LIN52: variants seen among roughly 807,000 people sequenced by gnomAD.
The protein encoded by LIN52 is protein lin-52 homolog.
In LIN52, 4 loss-of-function variants were observed where a neutral mutation model predicts 18.5. The ratio of observed to expected loss-of-function variants is 0.22; its 90% CI spans 0.11 to 0.49. The LOEUF is 0.49. Ranked by LOEUF, LIN52 falls within the 20% of genes least tolerant of loss-of-function variation. The pLI is 0.97. For missense variants in LIN52, 102 were observed against 139.5 expected, an observed-to-expected ratio of 0.73 and a Z score of 1.35; for synonymous variants, 34 against 45.5, an observed-to-expected ratio of 0.75 and a Z score of 1.02.
intron 5 of LIN52, among the ~76,000 whole-genome samples, chr14:74,166,850 T>A (rs1206239416): frequency 1.3e-5 from 2 of 152,202 alleles, no homozygotes; most frequent in African/African-American, 4.8e-5. Flanking sequence ...TGGTAATTGG[T>A]AGGTTTTGGT....
chr14:74,115,384 G>A (rs985001792), intron 5 of LIN52, among the ~76,000 whole-genome samples: 2 of 152,088 alleles, frequency 1.3e-5, no homozygotes, highest in Admixed American at 6.6e-5. Flanking sequence ...CCTATCTGTT[G>A]ATGAGGGCTG....
chr14:74,147,589 A>G (rs1246605603), intron 5 of LIN52, among the ~76,000 whole-genome samples: 1 of 152,234 alleles, frequency 6.6e-6, no homozygotes, highest in African/African-American at 2.4e-5. Context: ...GGTGGAAGCA[A>G]TCCAAATGTT....
intron 4 of LIN52, 145 bp downstream of exon 4, chr14:74,098,005 G>A: frequency 1.6e-6 from 1 of 616,332 alleles, no homozygotes; most frequent in South Asian, 2.0e-5. Context: ...TTTCATGTCT[G>A]CAATGCCCTT....
intron 5 of LIN52, among the ~76,000 whole-genome samples, chr14:74,154,413 A>G (rs1178788836): frequency 6.6e-6 from 1 of 152,204 alleles, no homozygotes; most frequent in Non-Finnish European, 1.5e-5. Context: ...ATTTTAAAAT[A>G]TTGGCTGTGG....
At chr14:74,088,277 G>A (rs2060749010) in intron 1 of LIN52, among the ~76,000 whole-genome samples, 1 of 152,124 alleles carries the variant, frequency 6.6e-6, no homozygotes, top group African/African-American at 2.4e-5. Flanking sequence ...TTTGAGTAGA[G>A]ACGGGGTTTC....
chr14:74,152,096 C>G (rs1376078861), intron 5 of LIN52, among the ~76,000 whole-genome samples: 3 of 152,018 alleles, frequency 2.0e-5, no homozygotes, highest in African/African-American at 7.2e-5. Context: ...AACCCCATCT[C>G]TATTAAAAAT....
intron 5 of LIN52, among the ~76,000 whole-genome samples, chr14:74,119,130 A>G (rs553937984): frequency 6.8e-6 from 1 of 147,036 alleles, no homozygotes; most frequent in East Asian, 2.0e-4. Context: ...TTTTTGATAT[A>G]TATCTTTTTT....
At position 74,175,072 on chromosome 14, in the gene LIN52, A is replaced by G. The variant is rs556822346; in HGVS notation, c.284-23850A>G. On this transcript the variant is annotated intron_variant, in intron 5 of 5. Transcript: ENST00000555028. ...ACACCTGTATAGGGTACTTACCATG[A>G]GTGGAACTTATAGGACTGGAAGTTG... Among the ~76,000 whole-genome samples, 384 of 119,538 alleles carry G rather than the reference A, an allele frequency of 3.2e-3. 3 individuals carry two copies. The highest frequency in any genetic ancestry group is 0.011 in the African/African-American group (367 of 34,472). 78.4% of individuals were successfully genotyped at this position (119,538 alleles called of 152,430 possible).
chr14:74,087,619 C>T (rs2060742748), intron 1 of LIN52, among the ~76,000 whole-genome samples: 1 of 152,062 alleles, frequency 6.6e-6, no homozygotes, highest in African/African-American at 2.4e-5. Flanking sequence ...GTATCTCATT[C>T]CAAAATATTC....
intron 5 of LIN52, among the ~76,000 whole-genome samples, chr14:74,179,610 C>T (rs969796396): frequency 6.8e-6 from 1 of 147,290 alleles, no homozygotes; most frequent in Non-Finnish European, 1.5e-5. Context: ...GAACCAAGAT[C>T]AGGCCACTGC....
At chr14:74,112,092 C>G (rs1002033946) in intron 5 of LIN52, among the ~76,000 whole-genome samples, 1 of 152,094 alleles carries the variant, frequency 6.6e-6, no homozygotes, top group African/African-American at 2.4e-5. Flanking sequence ...GTTGGTCAGG[C>G]TGGTCTTGAA....
At chr14:74,134,779 C>A (rs572455529) in intron 5 of LIN52, among the ~76,000 whole-genome samples, 4 of 152,202 alleles carry the variant, frequency 2.6e-5, no homozygotes, top group Non-Finnish European at 5.9e-5. Flanking sequence ...TCTTTCTCAT[C>A]TGCTTAAGGT....
At chr14:74,130,278 GTT>G (rs71460958) in intron 5 of LIN52, among the ~76,000 whole-genome samples, 8 of 64,834 alleles carry the variant, frequency 1.2e-4, no homozygotes, top group East Asian at 4.6e-4. Flanking sequence ...GCATTTTTTG[GTT>G]TTTTTTTTTT....
intron 5 of LIN52, among the ~76,000 whole-genome samples, chr14:74,165,513 C>CTTTCTTTTTTTT (rs2061244827): frequency 9.1e-6 from 1 of 110,262 alleles, no homozygotes; most frequent in African/African-American, 3.8e-5. Flanking sequence ...GTTTTCTTTT[C>CTTTCTTTTTTTT]TTTTTTTTTT....
chr14:74,166,434 C>T (rs1471467476), intron 5 of LIN52, among the ~76,000 whole-genome samples: 4 of 151,550 alleles, frequency 2.6e-5, no homozygotes, highest in Non-Finnish European at 4.4e-5. Context: ...AGGCTGGTCG[C>T]GAACTCCTGA....
intron 5 of LIN52, among the ~76,000 whole-genome samples, chr14:74,129,303 G>A (rs1022462934): frequency 6.6e-6 from 1 of 152,172 alleles, no homozygotes; most frequent in African/African-American, 2.4e-5. Flanking sequence ...CACGATAGAA[G>A]ATGCAGGTTA....
rs1595169144 is a variant in LIN52, at chr14:74,132,719, G to A, written c.283+31481G>A. On this transcript the variant is annotated intron_variant, in intron 5 of 5. Transcript: ENST00000555028. ...AGACAGGTTTTCACCATGTTAGCCA[G>A]GATGGTCTCGATCTTTTGACCTCAT... Among the ~76,000 whole-genome samples, 4 of 152,238 alleles carry A rather than the reference G, an allele frequency of 2.6e-5. No individual in the cohort carries two copies. The South Asian group carries it at 8.3e-4, about 32-fold the overall frequency.
chr14:74,168,803 C>A (rs2061259888), intron 5 of LIN52, among the ~76,000 whole-genome samples: 1 of 152,172 alleles, frequency 6.6e-6, no homozygotes, highest in Admixed American at 6.5e-5. Flanking sequence ...GTGGCTCACA[C>A]CTGTAATCCC....
chr14:74,099,840 C>A lies in LIN52; in HGVS notation c.200-1315C>A, dbSNP rs150664815. ...ACCAGTTTATTGATCTGGGTGGTAC[C>A]AACTGATCCATCAAATGCAAGGCCT... On this transcript the variant is annotated intron_variant, in intron 4 of 5. Coordinates refer to ENST00000555028, the MANE Select transcript of LIN52 (RefSeq NM_001024674.3). 1.1e-3 allele frequency among the ~76,000 whole-genome samples: 174 copies of A among 152,206 alleles called. 1 individual carries two copies. The highest frequency in any genetic ancestry group is 4.1e-3 in the African/African-American group (169 of 41,512).
Sources: allele counts gnomAD v4.1 joint callset (sites outside exome capture counted in the v4.1 genomes callset), GRCh38; gene constraint gnomAD v4.1.1; transcripts MANE v1.5; gene names NCBI Gene and HGNC (gene_info 2026-07-23, HGNC 2026-07-21).